DMRT1: variants seen among roughly 807,000 people sequenced by gnomAD.
DMRT1 encodes the protein doublesex- and mab-3-related transcription factor 1.
A neutral mutation model predicts 32.3 loss-of-function variants in DMRT1; 7 were observed. The ratio of observed to expected loss-of-function variants is 0.22; its 90% CI spans 0.12 to 0.41. DMRT1 has a LOEUF of 0.41. DMRT1 is among the 10% of genes least tolerant of loss of function. The pLI is 1.00. For synonymous variants in DMRT1, 278 were observed against 206.1 expected (o/e 1.35, Z -2.99); for missense variants, 625 against 500.5 (o/e 1.25, Z -2.37).
At chr9:954,377 G>A (rs1819525574) in intron 4 of DMRT1, among the ~76,000 whole-genome samples, 1 of 152,048 alleles carries the variant, frequency 6.6e-6, no homozygotes, top group African/African-American at 2.4e-5. Flanking sequence ...GAATTTAGAT[G>A]AGGCTGTGGT....
intron 4 of DMRT1, among the ~76,000 whole-genome samples, chr9:933,789 A>T (rs1286678298): frequency 6.6e-6 from 1 of 152,224 alleles, no homozygotes; most frequent in Non-Finnish European, 1.5e-5. Context: ...AGGAAGTTGT[A>T]TTCGGCAACT....
intron 2 of DMRT1, among the ~76,000 whole-genome samples, chr9:849,829 CTTT>C (rs200326522): frequency 7.0e-6 from 1 of 142,088 alleles, no homozygotes. Context: ...CTCTCTCTCT[CTTT>C]TTTTTTTTGA....
intron 4 of DMRT1, among the ~76,000 whole-genome samples, chr9:955,683 T>C (rs1487663876): frequency 6.6e-6 from 1 of 152,200 alleles, no homozygotes; most frequent in Non-Finnish European, 1.5e-5. Flanking sequence ...TGTCGGGCTG[T>C]GGGTATGAAA....
intron 2 of DMRT1, among the ~76,000 whole-genome samples, chr9:865,466 T>C (rs1418541412): frequency 5.3e-5 from 8 of 152,118 alleles, no homozygotes; most frequent in Admixed American, 5.2e-4. Context: ...ATATATGATA[T>C]ATATGAAATA....
intron 4 of DMRT1, among the ~76,000 whole-genome samples, chr9:952,498 C>T (rs985451767): frequency 6.6e-6 from 1 of 152,200 alleles, no homozygotes; most frequent in African/African-American, 2.4e-5. Flanking sequence ...ATTTCTGATT[C>T]CCAGGAAGCT....
intron 2 of DMRT1, among the ~76,000 whole-genome samples, chr9:856,234 G>A (rs554604071): frequency 6.6e-6 from 1 of 152,220 alleles, no homozygotes; most frequent in South Asian, 2.1e-4. Flanking sequence ...AATTTTTAAG[G>A]TGATTAAAAA....
intron 3 of DMRT1, among the ~76,000 whole-genome samples, chr9:910,477 C>T (rs1199951814): frequency 6.6e-6 from 1 of 151,798 alleles, no homozygotes; most frequent in Non-Finnish European, 1.5e-5. Context: ...ACCAGGCACT[C>T]ATCTAAACTG....
intron 4 of DMRT1, among the ~76,000 whole-genome samples, chr9:943,749 G>A (rs1004362152): frequency 3.4e-4 from 51 of 152,198 alleles, no homozygotes; most frequent in African/African-American, 1.2e-3. Flanking sequence ...ACAATTTACT[G>A]ATGAAGGACC....
rs1564233221 is a variant in DMRT1, at chr9:897,115, TA to T, written c.822+2921del. ...ATATTATTATTATTATTATTATTAT[TA>T]TTATTATTATTTTTGAGACAGATTC... On this transcript the variant is annotated intron_variant, in intron 3 of 4. Coordinates refer to ENST00000382276, the MANE Select transcript of DMRT1 (RefSeq NM_021951.3). Among the ~76,000 whole-genome samples the T allele has an allele frequency of 4.6e-4, 68 of 149,090 alleles. No homozygotes were observed. The South Asian group carries it at 7.2e-3, about 16-fold the overall frequency.
intron 1 of DMRT1, among the ~76,000 whole-genome samples, chr9:846,352 G>C (rs1838904034): frequency 6.6e-6 from 1 of 152,088 alleles, no homozygotes; most frequent in Admixed American, 6.6e-5. Flanking sequence ...TTGTTAAACA[G>C]TAAGTAATGT....
chr9:950,891 T>C (rs532711015), intron 4 of DMRT1, among the ~76,000 whole-genome samples: 1 of 152,362 alleles, frequency 6.6e-6, no homozygotes, highest in South Asian at 2.1e-4. Context: ...GTTTCGTCCT[T>C]TATTGTTTCA....
chr9:895,708 CTA>C (rs1817328469), intron 3 of DMRT1, among the ~76,000 whole-genome samples: 1 of 151,346 alleles, frequency 6.6e-6, no homozygotes, highest in Non-Finnish European at 1.5e-5. Flanking sequence ...AAGATCTACT[CTA>C]TTAGCATTTT....
chr9:960,288 T>G (rs1409943331), intron 4 of DMRT1, among the ~76,000 whole-genome samples: 2 of 152,370 alleles, frequency 1.3e-5, no homozygotes, highest in Non-Finnish European at 2.9e-5. Flanking sequence ...TTGACTTTCC[T>G]TCACATCAGA....
intron 3 of DMRT1, among the ~76,000 whole-genome samples, chr9:915,435 A>C (rs932022313): frequency 6.6e-6 from 1 of 152,144 alleles, no homozygotes; most frequent in Non-Finnish European, 1.5e-5. Flanking sequence ...AAGCTATCTC[A>C]TGGTCCTAAA....
Position 953,360 on chromosome 9 carries a change from T to A in DMRT1, c.968-14625T>A, listed in dbSNP as rs140797069. 4.1e-3 allele frequency among the ~76,000 whole-genome samples: 618 copies of A among 152,304 alleles called. 6 individuals are homozygous for A. The highest frequency in any genetic ancestry group is 0.014 in the African/African-American group (589 of 41,556). On this transcript the variant is annotated intron_variant, in intron 4 of 4. Coordinates refer to ENST00000382276, the MANE Select transcript of DMRT1 (RefSeq NM_021951.3). ...TCTGTTAGTGTCTGGAGTTTAGTTA[T>A]ACCCATCCAAGGACAGAGTTTAAGG... is the stretch of plus-strand genomic sequence containing the variant.
At chr9:917,133 A>G (rs1374499205) in intron 4 of DMRT1, among the ~76,000 whole-genome samples, 1 of 152,130 alleles carries the variant, frequency 6.6e-6, no homozygotes, top group African/African-American at 2.4e-5. Flanking sequence ...CTAGAGTGAC[A>G]GGAGTAAGAT....
chr9:894,698 G>T, intron 3 of DMRT1: 1 of 194,464 alleles, frequency 5.1e-6, no homozygotes, highest in Non-Finnish European at 1.1e-5. Flanking sequence ...ATGGAAGAAA[G>T]GTAAGAAAAG....
chr9:904,942 CAAA>C (rs71327357), intron 3 of DMRT1, among the ~76,000 whole-genome samples: 3 of 135,360 alleles, frequency 2.2e-5, no homozygotes, highest in Non-Finnish European at 3.1e-5. Context: ...AACTCCGTCT[CAAA>C]AAAAAAAAAA....
intron 2 of DMRT1, among the ~76,000 whole-genome samples, chr9:862,870 G>C (rs1815783034): frequency 6.6e-6 from 1 of 152,102 alleles, no homozygotes; most frequent in African/African-American, 2.4e-5. Context: ...CCTCCCAAAA[G>C]ATGCCTGTGC....
Sources: gnomAD v4.1 joint callset for allele counts (sites outside exome capture counted in the v4.1 genomes callset) on GRCh38, gnomAD v4.1.1 for gene constraint, MANE v1.5 for transcripts, NCBI Gene and HGNC (gene_info 2026-07-23, HGNC 2026-07-21) for gene names.